SLC10A6: variants seen among roughly 807,000 people sequenced by gnomAD.
The protein encoded by SLC10A6 is solute carrier family 10 member 6, also known as sodium-dependent organic anion transporter.
In SLC10A6, 27 loss-of-function variants were observed where a neutral mutation model predicts 30.0. The observed-to-expected ratio is 0.90, with a 90% CI of 0.66 to 1.24. The LOEUF (loss-of-function observed/expected upper bound fraction) is 1.24, where lower values mean the gene tolerates loss of function less well. Among genes scored for constraint, SLC10A6 ranks in the 50% most tolerant of loss-of-function variants. The probability of loss-of-function intolerance (pLI) is 0.00; values close to 1 mark genes in which losing one functional copy is unlikely to be tolerated. For missense variants in SLC10A6, 439 were observed against 457.0 expected, an observed-to-expected ratio of 0.96 and a Z score of 0.36; for synonymous variants, 166 against 173.8, an observed-to-expected ratio of 0.95 and a Z score of 0.36.
intron 1 of SLC10A6, among the ~76,000 whole-genome samples, chr4:86,834,936 C>T (rs1353568968): frequency 6.6e-6 from 1 of 152,116 alleles, no homozygotes; most frequent in African/African-American, 2.4e-5. Context: ...ACAACCAGAT[C>T]TCATGTGAAC....
rs543765106 is a variant in SLC10A6 at position 86,823,984 on chromosome 4, C to G, written c.920-82G>C. On this transcript the variant is annotated intron_variant, in intron 5 of 5. Coordinates refer to ENST00000273905, the MANE Select transcript of SLC10A6 (RefSeq NM_197965.3). ...TGACACTGTACACTTGTCAATCCTTCAGGTGTTTGTTTCAGTGGCATCATG... is the reference window on the plus strand; with the variant it reads ...TGACACTGTACACTTGTCAATCCTTGAGGTGTTTGTTTCAGTGGCATCATG... The G allele has an allele frequency of 1.6e-5, 21 of 1,309,214 alleles. 2 individuals carry two copies. The Admixed American group carries it at 4.9e-4, about 30-fold the overall frequency. 81.1% of individuals were successfully genotyped at this position (1,309,214 alleles called of 1,614,324 possible).
chr4:86,843,902 G>A (rs895655151), intron 1 of SLC10A6, among the ~76,000 whole-genome samples: 3 of 152,094 alleles, frequency 2.0e-5, no homozygotes, highest in African/African-American at 7.2e-5. Context: ...AAACTGGCCG[G>A]GCTCGGTGGC....
chr4:86,839,326 C>T lies in SLC10A6; in HGVS notation c.378-5902G>A, dbSNP rs150422140. Reference sequence around the variant, plus strand: ...ATTAGCTGAATGTGGTGGTACACACCTGTAGTCCCAGCTACTCGGGAGGCT... The same window carrying T: ...ATTAGCTGAATGTGGTGGTACACACTTGTAGTCCCAGCTACTCGGGAGGCT... On this transcript the variant is annotated intron_variant, in intron 1 of 5. Transcript: ENST00000273905. 4.9e-3 allele frequency among the ~76,000 whole-genome samples: 746 copies of T among 151,728 alleles called. 7 individuals are homozygous for T. The highest frequency in any genetic ancestry group is 0.017 in the African/African-American group (685 of 41,346).
chr4:86,849,036 T>A lies in SLC10A6; in HGVS notation c.80A>T (p.His27Leu). 6.2e-7 allele frequency: 1 copy of A among 1,614,170 alleles called. No individual in the cohort carries two copies. Among genetic ancestry groups the A allele is most frequent in the Non-Finnish European group, 8.5e-7 (1 of 1,180,016 alleles). ...TGTGAAAACGAGCTCCAGGTTTCCA[T>A]GCACCTCCAGTCCCACTGGCAGCTC... ...EEELPVGLEV[H>L]GNLELVFTVV... The change falls in exon 1 of 6, where the codon CAT becomes CTT. Residue 27 changes from histidine (H) to leucine (L), a missense_variant. Physicochemically the swap from His to Leu is moderately conservative, Grantham distance 99 (BLOSUM62 -3). Coordinates refer to ENST00000273905, the MANE Select transcript of SLC10A6 (RefSeq NM_197965.3).
intron 5 of SLC10A6, 58 bp downstream of exon 5, chr4:86,825,362 T>C: frequency 1.3e-6 from 2 of 1,506,746 alleles, no homozygotes; most frequent in Non-Finnish European, 1.8e-6. Flanking sequence ...AAAAAGTTGG[T>C]AAGTTGGGGT....
In SLC10A6 at chr4:86,833,357, T is replaced by C. The variant is rs779201940; in HGVS notation, c.445A>G (p.Thr149Ala). Residue 149 changes from threonine to alanine, a missense_variant, in exon 2 of 6, where the codon ACC becomes GCC. By Grantham distance (58) the Thr-to-Ala change is moderately conservative. Coordinates refer to ENST00000273905, the MANE Select transcript of SLC10A6 (RefSeq NM_197965.3). ...TTCTGCTGAAGACTCCAGGACCAGGTGTAGAGATAAATGCAGAGTGGCATC... is the reference window on the plus strand; with the variant it reads ...TTCTGCTGAAGACTCCAGGACCAGGCGTAGAGATAAATGCAGAGTGGCATC... Reference protein sequence around the residue: ...GMMPLCIYLYTWSWSLQQNLT... With the variant: ...GMMPLCIYLYAWSWSLQQNLT... 3 of 1,614,024 alleles carry C rather than the reference T, an allele frequency of 1.9e-6. No homozygotes were observed. The highest frequency in any genetic ancestry group is 2.5e-6 in the Non-Finnish European group (3 of 1,179,972).
intron 1 of SLC10A6, among the ~76,000 whole-genome samples, chr4:86,840,046 A>C (rs1021823242): frequency 9.9e-5 from 15 of 150,838 alleles, no homozygotes; most frequent in African/African-American, 2.9e-4. Context: ...AATAGGTGGG[A>C]TTACAGGTAC....
At chr4:86,833,703 G>C (rs1404567418) in intron 1 of SLC10A6, among the ~76,000 whole-genome samples, 1 of 151,628 alleles carries the variant, frequency 6.6e-6, no homozygotes. Context: ...TTCTTATCTA[G>C]TTCTTTTTTA....
rs991688751 is a variant in SLC10A6, at chr4:86,849,202, A to G, written c.-87T>C. 6.9e-7 allele frequency: 1 copy of G among 1,454,650 alleles called. No homozygotes were observed. 90.1% of individuals were successfully genotyped at this position (1,454,650 alleles called of 1,614,324 possible). ...ATCCTGCCACATTTTGTAATAGTGC[A>G]ACGAAGTCACACATGGAGAATCATT... On this transcript the variant is annotated 5_prime_UTR_variant, in exon 1 of 6. Transcript: ENST00000273905.
chr4:86,836,826 C>T (rs939347390), intron 1 of SLC10A6, among the ~76,000 whole-genome samples: 2 of 152,004 alleles, frequency 1.3e-5, no homozygotes, highest in East Asian at 3.9e-4. Flanking sequence ...GGCGCAATCT[C>T]GGCTCACTGC....
chr4:86,825,581 C>A lies in SLC10A6; in HGVS notation c.762-4G>T. On this transcript the variant is annotated splice_polypyrimidine_tract_variant and splice_region_variant and intron_variant, in intron 4 of 5. Transcript: ENST00000273905. ...TTCTAAGGAAATTGTCCTGCACCTA[C>A]CAAAAAGAAAATGTTTCAAGAGTAA... 2 of 1,575,340 alleles carry A rather than the reference C, an allele frequency of 1.3e-6. No individual in the cohort carries two copies. The highest frequency in any genetic ancestry group is 1.1e-5 in the South Asian group (1 of 88,246).
At chr4:86,835,358 T>C (rs1169867461) in intron 1 of SLC10A6, among the ~76,000 whole-genome samples, 1 of 152,112 alleles carries the variant, frequency 6.6e-6, no homozygotes, top group Non-Finnish European at 1.5e-5. Context: ...TGATATCGTG[T>C]GATCCTATGA....
intron 1 of SLC10A6, among the ~76,000 whole-genome samples, chr4:86,842,107 T>C (rs1484836104): frequency 6.6e-6 from 1 of 152,246 alleles, no homozygotes; most frequent in Non-Finnish European, 1.5e-5. Flanking sequence ...GAAGCTTGCA[T>C]GAAGTCTCAT....
At position 86,849,004 on chromosome 4, in the gene SLC10A6, A is replaced by C. The variant is rs150585610; in HGVS notation, c.112T>G (p.Ser38Ala). The C allele has an allele frequency of 8.4e-5, 136 of 1,614,178 alleles. No homozygotes were observed. The African/African-American group carries it at 1.7e-3, about 21-fold the overall frequency. ...ATGAGCAGCCCCATCATCACAGTGG[A>C]CACCACTGTGAAAACGAGCTCCAGG... ...GNLELVFTVVSTVMMGLLMFS... is the reference protein window; with the variant it reads ...GNLELVFTVVATVMMGLLMFS... The change falls in exon 1 of 6, where the codon TCC (serine) becomes GCC (alanine). Residue 38 changes from serine (S) to alanine (A), a missense_variant. Transcript: ENST00000273905.
At chr4:86,844,133 ACG>A (rs1746354371) in intron 1 of SLC10A6, among the ~76,000 whole-genome samples, 1 of 152,142 alleles carries the variant, frequency 6.6e-6, no homozygotes, top group Non-Finnish European at 1.5e-5. Context: ...AGCCGAGATC[ACG>A]CCACTGCACT....
intron 1 of SLC10A6, among the ~76,000 whole-genome samples, chr4:86,847,295 T>C (rs2149414488): frequency 6.6e-6 from 1 of 152,374 alleles, no homozygotes; most frequent in South Asian, 2.1e-4. Flanking sequence ...ATCTATCCCA[T>C]GCCTATGGGG....
rs138452374 is a variant in SLC10A6, at chr4:86,835,614, C to T, written c.378-2190G>A. Among the ~76,000 whole-genome samples the T allele has an allele frequency of 1.6e-3, 250 of 151,906 alleles. 3 individuals carry two copies. The highest frequency in any genetic ancestry group is 5.8e-3 in the African/African-American group (239 of 41,412). ...CCCAGGAGGCGGAGGTTGCAGTGAG[C>T]CACGATCATGCCACTGCACTCCAGC... On this transcript the variant is annotated intron_variant, in intron 1 of 5. Transcript: ENST00000273905.
chr4:86,835,394 T>C (rs1336529716), intron 1 of SLC10A6, among the ~76,000 whole-genome samples: 1 of 152,158 alleles, frequency 6.6e-6, no homozygotes, highest in African/African-American at 2.4e-5. Flanking sequence ...GGGCCAAGCA[T>C]GGTGGCTCAT....
chr4:86,847,814 CA>C (rs1467523906), intron 1 of SLC10A6, among the ~76,000 whole-genome samples: 1 of 152,132 alleles, frequency 6.6e-6, no homozygotes, highest in African/African-American at 2.4e-5. Flanking sequence ...ACACATGAAA[CA>C]AATACTTAAA....
Sources: allele counts gnomAD v4.1 joint callset (sites outside exome capture counted in the v4.1 genomes callset), GRCh38; gene constraint gnomAD v4.1.1; transcripts MANE v1.5; gene names NCBI Gene and HGNC (gene_info 2026-07-23, HGNC 2026-07-21).